SOX5: variants seen among roughly 807,000 people sequenced by gnomAD.
SOX5 encodes transcription factor SOX-5.
SOX5 carries 9 observed loss-of-function variants against 92.0 expected under a neutral mutation model. The observed-to-expected ratio is 0.10, with a 90% CI of 0.06 to 0.17. The LOEUF is 0.17. Among genes scored for constraint, SOX5 ranks in the 10% least tolerant of loss-of-function variants. The pLI is 1.00. For synonymous variants in SOX5, 344 were observed against 336.3 expected, an observed-to-expected ratio of 1.02 and a Z score of -0.25; for missense variants, 642 against 944.5, an observed-to-expected ratio of 0.68 and a Z score of 4.20.
intron 2 of SOX5, among the ~76,000 whole-genome samples, chr12:24,322,674 C>A (rs1463428603): frequency 6.6e-6 from 1 of 152,016 alleles, no homozygotes; most frequent in Non-Finnish European, 1.5e-5. Context: ...ATACCTTTGA[C>A]AACAAGTTAA....
At chr12:23,951,114 G>T (rs1945564831), upstream of SOX5, 3 of 495,450 alleles carry the variant, frequency 6.1e-6, no homozygotes, top group Non-Finnish European at 1.1e-5. Context: ...GCCTTCCATT[G>T]TTGAGAGGGC....
At chr12:24,217,381 A>T (rs1419530720) in intron 3 of SOX5, among the ~76,000 whole-genome samples, 1 of 152,348 alleles carries the variant, frequency 6.6e-6, no homozygotes, top group East Asian at 1.9e-4. Context: ...GACGTAAGAG[A>T]ATTAGTGTTA....
At chr12:23,828,442 G>C (rs1568123018) in intron 3 of SOX5, among the ~76,000 whole-genome samples, 1 of 152,130 alleles carries the variant, frequency 6.6e-6, no homozygotes, top group Non-Finnish European at 1.5e-5. Context: ...TAACACACAT[G>C]AATTGGGAAT....
At chr12:24,523,637 G>A (rs1298266073) in intron 1 of SOX5, among the ~76,000 whole-genome samples, 2 of 152,162 alleles carry the variant, frequency 1.3e-5, no homozygotes, top group Non-Finnish European at 2.9e-5. Flanking sequence ...TAAACAGTGA[G>A]GAAGGAATAG....
chr12:24,326,781 T>TACACACACAC (rs1306084119), intron 2 of SOX5, among the ~76,000 whole-genome samples: 2 of 42,348 alleles, frequency 4.7e-5, no homozygotes, highest in African/African-American at 1.2e-4. Context: ...CACCCATTCA[T>TACACACACAC]ACACACACAT....
At chr12:24,418,993 C>G (rs893257085) in intron 1 of SOX5, among the ~76,000 whole-genome samples, 7 of 152,108 alleles carry the variant, frequency 4.6e-5, no homozygotes, top group African/African-American at 1.7e-4. Context: ...CCAGAAATTT[C>G]TGTCAAAAGA....
intron 3 of SOX5, among the ~76,000 whole-genome samples, chr12:23,795,430 T>C (rs2095545524): frequency 6.6e-6 from 1 of 152,142 alleles, no homozygotes. Context: ...CTCAACTATG[T>C]TCCTCAAATT....
chr12:24,327,594 A>AT (rs1223477069), intron 2 of SOX5, among the ~76,000 whole-genome samples: 1 of 148,590 alleles, frequency 6.7e-6, no homozygotes, highest in Non-Finnish European at 1.5e-5. Context: ...TTTTATTTTT[A>AT]TTTTTTTTAG....
At chr12:24,518,234 A>ATTTTTAT (rs1949971444) in intron 1 of SOX5, among the ~76,000 whole-genome samples, 1 of 151,670 alleles carries the variant, frequency 6.6e-6, no homozygotes, top group African/African-American at 2.4e-5. Flanking sequence ...ATGCCTGGCT[A>ATTTTTAT]ATTTTTGTAT....
intron 1 of SOX5, among the ~76,000 whole-genome samples, chr12:24,477,814 T>C (rs938722659): frequency 2.6e-5 from 4 of 152,064 alleles, no homozygotes; most frequent in Non-Finnish European, 5.9e-5. Context: ...TATATTTACC[T>C]ATAGTTAGAT....
chr12:23,588,323 G>A (rs1951029022), intron 9 of SOX5, among the ~76,000 whole-genome samples: 1 of 152,000 alleles, frequency 6.6e-6, no homozygotes, highest in South Asian at 2.1e-4. Flanking sequence ...TTGTATCAAA[G>A]CTCTCACAGA....
intron 4 of SOX5, among the ~76,000 whole-genome samples, chr12:24,036,003 A>C (rs112997161): frequency 5.3e-5 from 8 of 152,212 alleles, no homozygotes; most frequent in African/African-American, 1.4e-4. Flanking sequence ...TGTTTTTTTC[A>C]TACCAGGAGA....
rs141522822 is a variant in SOX5 at position 24,330,498 on chromosome 12, C to T, written c.-174+38065G>A. Reference sequence around the variant, plus strand: ...TGGAGTACAGTCAGGACCTTCATCTCTTTTGGGTCAAATCCTGCCTGAGTG... The same window carrying T: ...TGGAGTACAGTCAGGACCTTCATCTTTTTTGGGTCAAATCCTGCCTGAGTG... On this transcript the variant is annotated intron_variant, in intron 2 of 4. Coordinates refer to the SOX5 transcript ENST00000446891. 3.5e-4 allele frequency among the ~76,000 whole-genome samples: 53 copies of T among 152,290 alleles called. 1 individual carries two copies. The East Asian group carries it at 9.7e-3, about 28-fold the overall frequency.
intron 4 of SOX5, among the ~76,000 whole-genome samples, chr12:24,043,233 A>G (rs1956682696): frequency 6.6e-6 from 1 of 152,222 alleles, no homozygotes; most frequent in Non-Finnish European, 1.5e-5. Flanking sequence ...TTTTCTGTCA[A>G]CAGAAGACAA....
At chr12:24,161,263 C>G (rs1238736229) in intron 4 of SOX5, among the ~76,000 whole-genome samples, 1 of 152,050 alleles carries the variant, frequency 6.6e-6, no homozygotes, top group African/African-American at 2.4e-5. Flanking sequence ...CTTCAGCTGT[C>G]GTGACAATAA....
At chr12:24,448,399 G>A (rs1232699240) in intron 1 of SOX5, among the ~76,000 whole-genome samples, 2 of 152,066 alleles carry the variant, frequency 1.3e-5, no homozygotes. Flanking sequence ...TCACAAAAAG[G>A]AAGAACTTAT....
At chr12:24,171,086 A>C (rs1227508513) in intron 4 of SOX5, among the ~76,000 whole-genome samples, 2 of 138,680 alleles carry the variant, frequency 1.4e-5, no homozygotes, top group Admixed American at 1.4e-4. Context: ...GGACACTTTG[A>C]TTTATTCCCT....
At chr12:24,006,555 C>T (rs1199494509) in intron 4 of SOX5, among the ~76,000 whole-genome samples, 1 of 151,910 alleles carries the variant, frequency 6.6e-6, no homozygotes, top group African/African-American at 2.4e-5. Context: ...CACAAGTTGT[C>T]CCTGTGTTCT....
chr12:23,636,793 T>C (rs1286536841), intron 8 of SOX5, among the ~76,000 whole-genome samples: 1 of 152,114 alleles, frequency 6.6e-6, no homozygotes, highest in African/African-American at 2.4e-5. Flanking sequence ...TGGTTATGAG[T>C]TACCAAATGT....
Sources: gnomAD v4.1 joint callset for allele counts (sites outside exome capture counted in the v4.1 genomes callset) on GRCh38, gnomAD v4.1.1 for gene constraint, MANE v1.5 for transcripts, NCBI Gene and HGNC (gene_info 2026-07-23, HGNC 2026-07-21) for gene names.